The following CPA4 variants were observed in gnomAD, a reference collection of about 807,000 sequenced individuals.
CPA4 encodes carboxypeptidase A4, also known as carboxypeptidase A3.
In CPA4, 49 loss-of-function variants were observed where a neutral mutation model predicts 54.7. The ratio of observed to expected loss-of-function variants is 0.90; its 90% CI spans 0.71 to 1.14. The LOEUF (loss-of-function observed/expected upper bound fraction) is 1.14. CPA4 is among the 50% of genes most tolerant of loss of function. The pLI is 0.00. For missense variants in CPA4, 487 were observed against 525.1 expected (o/e 0.93, Z 0.71); for synonymous variants, 215 against 206.8 (o/e 1.04, Z -0.34).
chr7:130,308,284 C>G, intron 7 of CPA4, 23 bp from the exon 8 acceptor site: 2 of 1,603,472 alleles, frequency 1.2e-6, no homozygotes, highest in Non-Finnish European at 1.7e-6. Context: ...GGTTGTTTGT[C>G]CCCTCCTTGG....
chr7:130,314,628 GAGTGGTTGT>G (rs1215628547), intron 10 of CPA4, among the ~76,000 whole-genome samples: 2 of 152,210 alleles, frequency 1.3e-5, no homozygotes, highest in African/African-American at 4.8e-5. Context: ...GAGCAGTTAG[GAGTGGTTGT>G]ATTGGTGAGG....
At chr7:130,311,187 G>A (rs1012878581) in intron 9 of CPA4, among the ~76,000 whole-genome samples, 15 of 152,160 alleles carry the variant, frequency 9.9e-5, no homozygotes, top group African/African-American at 3.6e-4. Context: ...TTCTGTGTCT[G>A]CTATGAGTTC....
chr7:130,299,205 A>G, intron 2 of CPA4, 65 bp from the exon 3 acceptor site: 1 of 1,523,516 alleles, frequency 6.6e-7, no homozygotes, highest in Admixed American at 1.7e-5. Context: ...GTTCTAGAAG[A>G]ATAACCTCAT....
rs761493834 is a variant in CPA4 at position 130,298,792 on chromosome 7, A to G, written c.115A>G (p.Lys39Glu). ...TGTCAGAAATGGAGACGAGATCAGC[A>G]AATTGAGTCAACTAGTGAATTCAAA... ...INVRNGDEIS[K>E]LSQLVNSNNL... The change falls in exon 2 of 11, where the codon AAA (lysine) becomes GAA (glutamate). Residue 39 changes from lysine (K) to glutamate (E), a missense_variant. By Grantham distance (56) the Lys-to-Glu change is moderately conservative (BLOSUM62 1). Transcript: ENST00000222482. The G allele has an allele frequency of 3.7e-6, 6 of 1,612,298 alleles. No individual in the cohort carries two copies. In the African/African-American group the frequency reaches 8.0e-5, roughly 22 times the overall value.
chr7:130,316,510 G>A (rs1185406825), intron 10 of CPA4, among the ~76,000 whole-genome samples: 1 of 152,128 alleles, frequency 6.6e-6, no homozygotes, highest in East Asian at 1.9e-4. Context: ...ATCCTGCTTG[G>A]AGGGAGGGTT....
At chr7:130,306,706 G>C (rs562109519) in intron 6 of CPA4, 81 bp from the exon 7 acceptor site, 1 of 814,606 alleles carries the variant, frequency 1.2e-6, no homozygotes, top group East Asian at 2.5e-5. Context: ...TGGTTGCTGG[G>C]CATCTTGAGA....
At chr7:130,309,417 C>T (rs1422330581) in intron 8 of CPA4, among the ~76,000 whole-genome samples, 1 of 152,200 alleles carries the variant, frequency 6.6e-6, no homozygotes, top group Non-Finnish European at 1.5e-5. Context: ...AAGGGCAAGA[C>T]TGTGCTGTGA....
At position 130,304,737 on chromosome 7, in the gene CPA4, C is replaced by T. The variant is rs189353988; in HGVS notation, c.486+158C>T. 66 of 623,370 alleles carry T rather than the reference C, an allele frequency of 1.1e-4. No individual in the cohort carries two copies. The East Asian group carries it at 1.8e-3, about 17-fold the overall frequency. The allele number at this position is 623,370 out of a possible 1,614,324, so 38.6% of individuals were successfully genotyped here. ...GGGCTGGAACTTGGTCTGACAGAGC[C>T]CCTTGCTTTTGTCTAATGTAGGGGG... On this transcript the variant is annotated intron_variant, in intron 5 of 10. Coordinates refer to ENST00000222482, the MANE Select transcript of CPA4 (RefSeq NM_016352.4).
chr7:130,305,089 T>A (rs974796374), intron 5 of CPA4, among the ~76,000 whole-genome samples: 4 of 152,178 alleles, frequency 2.6e-5, no homozygotes, highest in Admixed American at 2.6e-4. Flanking sequence ...GATAATGACA[T>A]AAATTACATA....
At chr7:130,320,557 G>A (rs1794075608) in intron 10 of CPA4, among the ~76,000 whole-genome samples, 1 of 152,102 alleles carries the variant, frequency 6.6e-6, no homozygotes, top group South Asian at 2.1e-4. Context: ...ATGCTATTCA[G>A]GAATCACACA....
At chr7:130,318,442 G>A (rs1209910197) in intron 10 of CPA4, among the ~76,000 whole-genome samples, 6 of 152,044 alleles carry the variant, frequency 3.9e-5, no homozygotes, top group Admixed American at 2.0e-4. Context: ...GTTTCGTTTC[G>A]CTCTTGTTGC....
intron 6 of CPA4, among the ~76,000 whole-genome samples, chr7:130,306,437 A>G (rs1396819605): frequency 6.6e-6 from 1 of 152,202 alleles, no homozygotes; most frequent in African/African-American, 2.4e-5. Context: ...CATGTGGAGG[A>G]CACATCTTCC....
chr7:130,298,673 C>G (rs1562927888), intron 1 of CPA4, 73 bp from the exon 2 acceptor site: 1 of 910,666 alleles, frequency 1.1e-6, no homozygotes, highest in South Asian at 1.4e-5. Context: ...GGATAGGAGG[C>G]TTGGGGGTTT....
At chr7:130,296,271 C>T (rs1793646939) in intron 1 of CPA4, among the ~76,000 whole-genome samples, 1 of 152,184 alleles carries the variant, frequency 6.6e-6, no homozygotes, top group Non-Finnish European at 1.5e-5. Flanking sequence ...ACGGGCTTCA[C>T]TCGGCACCCG....
intron 10 of CPA4, among the ~76,000 whole-genome samples, chr7:130,316,536 A>G (rs1793989389): frequency 6.6e-6 from 1 of 152,112 alleles, no homozygotes. Flanking sequence ...ATGTGCTGCC[A>G]TTTATAAACT....
In CPA4 at chr7:130,308,410, G is replaced by C; in HGVS notation, c.793+13G>C. 1 of 1,608,418 alleles carries C rather than the reference G, an allele frequency of 6.2e-7. No individual in the cohort carries two copies. The highest frequency in any genetic ancestry group is 8.5e-7 in the Non-Finnish European group (1 of 1,174,808). ...GCTAGTTTTGCAGGTAGGCGGTGGGGAGACAGTTCTCAAATCCTGCTGTCC... is the reference window on the plus strand; with the variant it reads ...GCTAGTTTTGCAGGTAGGCGGTGGGCAGACAGTTCTCAAATCCTGCTGTCC... On this transcript the variant is annotated intron_variant, in intron 8 of 10. Coordinates refer to ENST00000222482, the MANE Select transcript of CPA4 (RefSeq NM_016352.4).
chr7:130,312,218 A>G (rs754446628), intron 10 of CPA4, 96 bp downstream of exon 10: 1 of 878,210 alleles, frequency 1.1e-6, no homozygotes, highest in Non-Finnish European at 1.9e-6. Context: ...CTTACTTGTC[A>G]TCTGATTGTT....
At position 130,322,720 on chromosome 7, in the gene CPA4, C is replaced by T. The variant is rs1405440630; in HGVS notation, c.*44C>T. Reference sequence around the variant, plus strand: ...CTACATTTATTTGTACCCACACGTGCACGCACTGAGGCCATTGTTAAAGGA... The same window carrying T: ...CTACATTTATTTGTACCCACACGTGTACGCACTGAGGCCATTGTTAAAGGA... On this transcript the variant is annotated 3_prime_UTR_variant, in exon 11 of 11. Coordinates refer to ENST00000222482, the MANE Select transcript of CPA4 (RefSeq NM_016352.4). 6.4e-7 allele frequency: 1 copy of T among 1,563,834 alleles called. No individual in the cohort carries two copies. The highest frequency in any genetic ancestry group is 8.7e-7 in the Non-Finnish European group (1 of 1,149,896).
chr7:130,319,291 T>C (rs1794046517), intron 10 of CPA4, among the ~76,000 whole-genome samples: 1 of 152,232 alleles, frequency 6.6e-6, no homozygotes, highest in Non-Finnish European at 1.5e-5. Context: ...CTTTTTGTAG[T>C]TCATAAGCGT....
Sources: gnomAD v4.1 joint callset for allele counts (sites outside exome capture counted in the v4.1 genomes callset) on GRCh38, gnomAD v4.1.1 for gene constraint, MANE v1.5 for transcripts, NCBI Gene and HGNC (gene_info 2026-07-23, HGNC 2026-07-21) for gene names.